AGBL4: variants seen among roughly 807,000 people sequenced by gnomAD.
AGBL4 encodes cytosolic carboxypeptidase 6.
In AGBL4, 58 loss-of-function variants were observed where a neutral mutation model predicts 66.4. The ratio of observed to expected loss-of-function variants is 0.87; its 90% CI spans 0.71 to 1.09. The LOEUF (loss-of-function observed/expected upper bound fraction) is 1.09, where lower values mean the gene tolerates loss of function less well. AGBL4 is among the 50% of genes least tolerant of loss of function. AGBL4 has a pLI of 0.00. For synonymous variants in AGBL4, 234 were observed against 222.9 expected (o/e 1.05, Z -0.44); for missense variants, 579 against 631.0 (o/e 0.92, Z 0.88).
intron 6 of AGBL4, among the ~76,000 whole-genome samples, chr1:48,720,765 T>C (rs962372244): frequency 3.9e-5 from 6 of 152,080 alleles, no homozygotes; most frequent in Non-Finnish European, 7.3e-5. Flanking sequence ...ACTGACAGCC[T>C]TGTGAGAAGA....
intron 2 of AGBL4, among the ~76,000 whole-genome samples, chr1:49,755,145 T>A (rs1651795458): frequency 6.6e-6 from 1 of 152,160 alleles, no homozygotes; most frequent in Admixed American, 6.5e-5. Context: ...AAATTAACCA[T>A]CACATCAACC....
intron 6 of AGBL4, among the ~76,000 whole-genome samples, chr1:48,692,176 G>C (rs896330867): frequency 6.6e-6 from 1 of 152,210 alleles, no homozygotes; most frequent in East Asian, 1.9e-4. Context: ...GAGATACAGG[G>C]GGAAGGGTGT....
At chr1:49,306,673 T>C (rs938836531) in intron 3 of AGBL4, among the ~76,000 whole-genome samples, 2 of 152,202 alleles carry the variant, frequency 1.3e-5, no homozygotes, top group African/African-American at 4.8e-5. Context: ...ACGTGACACA[T>C]AGGGTAGTCT....
chr1:48,522,925 CAAAAA>C, the AGBL4 span, among the ~76,000 whole-genome samples: 1 of 133,688 alleles, frequency 7.5e-6, no homozygotes, highest in African/African-American at 2.8e-5. Flanking sequence ...GACTCCATCT[CAAAAA>C]AAAAAAAAAA....
At chr1:49,775,746 A>G (rs1185638347) in intron 2 of AGBL4, among the ~76,000 whole-genome samples, 1 of 152,078 alleles carries the variant, frequency 6.6e-6, no homozygotes, top group African/African-American at 2.4e-5. Context: ...ATTCAATAAA[A>G]GTTTGCTGAA....
intron 6 of AGBL4, among the ~76,000 whole-genome samples, chr1:48,815,236 G>C (rs1473657052): frequency 6.6e-6 from 1 of 151,960 alleles, no homozygotes; most frequent in Non-Finnish European, 1.5e-5. Flanking sequence ...ATCTTTTGTT[G>C]GGACTCCAGG....
In AGBL4 at chr1:49,371,817, CTGTGTGTGTGTGTGTGTGTG is replaced by C. The variant is rs55882947; in HGVS notation, c.283-125973_283-125954del. 2.0e-3 allele frequency among the ~76,000 whole-genome samples: 286 copies of C among 140,060 alleles called. 2 individuals carry two copies. Among genetic ancestry groups the C allele is most frequent in the African/African-American group, 6.9e-3 (260 of 37,502 alleles). 91.9% of individuals were successfully genotyped at this position (140,060 alleles called of 152,430 possible). On this transcript the variant is annotated intron_variant, in intron 3 of 13. Coordinates refer to ENST00000371839, the MANE Select transcript of AGBL4 (RefSeq NM_032785.4). The stretch of plus-strand genomic sequence containing the variant: ...GTCAGAGCCAGTGACTTTTCAAACT[CTGTGTGTGTGTGTGTGTGTG>C]TGTGTGTGTGTGTGTGTGTGTGTGT...
At chr1:48,932,056 C>T (rs915765853) in intron 5 of AGBL4, among the ~76,000 whole-genome samples, 1 of 152,106 alleles carries the variant, frequency 6.6e-6, no homozygotes, top group Non-Finnish European at 1.5e-5. Context: ...TGCATCCACT[C>T]AGGATGGTCC....
intron 3 of AGBL4, among the ~76,000 whole-genome samples, chr1:49,627,325 G>A (rs1475660924): frequency 6.6e-6 from 1 of 152,026 alleles, no homozygotes; most frequent in Non-Finnish European, 1.5e-5. Flanking sequence ...TGCCCTCCAG[G>A]AAGCATCTAC....
At chr1:49,350,541 A>G (rs900802038) in intron 3 of AGBL4, among the ~76,000 whole-genome samples, 1 of 152,192 alleles carries the variant, frequency 6.6e-6, no homozygotes, top group Non-Finnish European at 1.5e-5. Context: ...ATGTTTGCTG[A>G]GTTAAATTTA....
intron 11 of AGBL4, among the ~76,000 whole-genome samples, chr1:48,544,188 G>A (rs1644122326): frequency 6.6e-6 from 1 of 152,196 alleles, no homozygotes. Flanking sequence ...TGTTTAAAAA[G>A]TTCACAAGCT....
chr1:49,709,247 T>C (rs1465618695), intron 2 of AGBL4, among the ~76,000 whole-genome samples: 1 of 152,218 alleles, frequency 6.6e-6, no homozygotes, highest in African/African-American at 2.4e-5. Context: ...CTTTCAGAGA[T>C]GCCCTGCCCA....
intron 7 of AGBL4, among the ~76,000 whole-genome samples, chr1:48,662,926 A>G (rs531518601): frequency 6.6e-6 from 1 of 152,326 alleles, no homozygotes; most frequent in East Asian, 1.9e-4. Context: ...CTGTTCATTT[A>G]TCCATCCATC....
At chr1:48,958,008 T>G (rs573901426) in intron 5 of AGBL4, among the ~76,000 whole-genome samples, 1 of 152,114 alleles carries the variant, frequency 6.6e-6, no homozygotes, top group East Asian at 1.9e-4. Context: ...TTTTGTTTGT[T>G]TGTTTTGTTT....
At chr1:48,791,713 G>T (rs1450258049) in intron 6 of AGBL4, among the ~76,000 whole-genome samples, 1 of 152,138 alleles carries the variant, frequency 6.6e-6, no homozygotes, top group Non-Finnish European at 1.5e-5. Context: ...TCATTTGTTG[G>T]ATATGGAGAC....
chr1:48,934,999 T>C (rs1655333753), intron 5 of AGBL4, among the ~76,000 whole-genome samples: 1 of 152,194 alleles, frequency 6.6e-6, no homozygotes, highest in Non-Finnish European at 1.5e-5. Context: ...CGTTCATTCA[T>C]TCATTCAACA....
At chr1:49,782,492 G>C (rs1313992468) in intron 2 of AGBL4, among the ~76,000 whole-genome samples, 1 of 152,120 alleles carries the variant, frequency 6.6e-6, no homozygotes. Context: ...CAAAATTCAG[G>C]TTAAAATCCG....
intron 4 of AGBL4, among the ~76,000 whole-genome samples, chr1:49,129,392 C>T (rs1183539335): frequency 1.3e-5 from 2 of 151,560 alleles, no homozygotes; most frequent in African/African-American, 4.9e-5. Context: ...ATACATGTGC[C>T]ATGCTGGTGT....
intron 4 of AGBL4, among the ~76,000 whole-genome samples, chr1:49,199,072 A>C (rs1647475370): frequency 6.6e-6 from 1 of 152,106 alleles, no homozygotes; most frequent in African/African-American, 2.4e-5. Context: ...ATCATTGTTA[A>C]CATTTATTAA....
Sources: gnomAD v4.1 joint callset for allele counts (sites outside exome capture counted in the v4.1 genomes callset) on GRCh38, gnomAD v4.1.1 for gene constraint, MANE v1.5 for transcripts, NCBI Gene and HGNC (gene_info 2026-07-23, HGNC 2026-07-21) for gene names.